Variants in PCDHA11 observed in about 807,000 individuals in gnomAD.
The protein encoded by PCDHA11 is protocadherin alpha 11, also known as protocadherin alpha-11.
PCDHA11 carries 61 observed loss-of-function variants against 70.3 expected under a neutral mutation model. The observed-to-expected ratio is 0.87, with a 90% CI of 0.71 to 1.07. The LOEUF (loss-of-function observed/expected upper bound fraction) is 1.07. Among genes scored for constraint, PCDHA11 ranks in the 50% least tolerant of loss-of-function variants. The pLI, the probability that PCDHA11 is intolerant of heterozygous loss-of-function variation, is 0.00. For missense variants in PCDHA11, 1,324 were observed against 1,237.5 expected, an observed-to-expected ratio of 1.07 and a Z score of -1.05; for synonymous variants, 633 against 555.1, an observed-to-expected ratio of 1.14 and a Z score of -1.97.
At position 140,968,158 on chromosome 5, in the gene PCDHA11, C is replaced by T. The variant is rs191279827; in HGVS notation, c.2392-10791C>T. The T allele has an allele frequency of 3.7e-6, 6 of 1,614,124 alleles. No individual in the cohort carries two copies. The African/African-American group carries it at 4.0e-5, about 11-fold the overall frequency. On this transcript the variant is annotated intron_variant, in intron 1 of 3. Transcript: ENST00000398640. ...AGGTTGAGATCTCTGACATCAATGA[C>T]AATCCACCAAGCTTCCTGGAGGACT...
intron 1 of PCDHA11, chr5:140,877,580 C>T (rs559831598): frequency 2.5e-6 from 4 of 1,613,804 alleles, no homozygotes; most frequent in African/African-American, 1.3e-5. Context: ...CTCATCATCG[C>T]CATCTGTGCG....
intron 2 of PCDHA11, among the ~76,000 whole-genome samples, chr5:140,979,943 T>A (rs2153820467): frequency 6.6e-6 from 1 of 152,364 alleles, no homozygotes; most frequent in Admixed American, 6.5e-5. Context: ...GTAGAGTTAA[T>A]GTGAAATTAG....
intron 1 of PCDHA11, among the ~76,000 whole-genome samples, chr5:140,942,855 A>G (rs1323763970): frequency 6.6e-6 from 1 of 152,110 alleles, no homozygotes; most frequent in African/African-American, 2.4e-5. Flanking sequence ...TAAGATGATT[A>G]TTTTGCTTTA....
At chr5:140,883,521 T>C in intron 1 of PCDHA11, 2 of 1,614,202 alleles carry the variant, frequency 1.2e-6, no homozygotes, top group Non-Finnish European at 1.7e-6. Flanking sequence ...CGCGAGAGCG[T>C]ATCAGCCTAT....
intron 1 of PCDHA11, among the ~76,000 whole-genome samples, chr5:140,978,620 G>A (rs2096812690): frequency 6.6e-6 from 1 of 152,220 alleles, no homozygotes; most frequent in South Asian, 2.1e-4. Context: ...AGCAGTGAAA[G>A]CTTTTCCTTT....
intron 1 of PCDHA11, chr5:140,966,564 T>A (rs1342180377): frequency 2.0e-6 from 1 of 488,548 alleles, no homozygotes; most frequent in Non-Finnish European, 3.4e-6. Context: ...GGAGCTGGAA[T>A]ATGGGGAGTC....
intron 1 of PCDHA11, chr5:140,881,407 A>G (rs2058705270): frequency 1.0e-6 from 1 of 956,680 alleles, no homozygotes; most frequent in South Asian, 4.8e-5. Flanking sequence ...TATTAAATCA[A>G]TAGGATATTA....
chr5:140,966,732 G>T (rs2153748727), intron 1 of PCDHA11: 1 of 1,415,600 alleles, frequency 7.1e-7, no homozygotes, highest in African/African-American at 1.5e-5. Context: ...GCCGCCTCCG[G>T]CCCTGCCCGG....
At chr5:140,967,792 A>G (rs371669028) in intron 1 of PCDHA11, 4 of 1,614,212 alleles carry the variant, frequency 2.5e-6, no homozygotes, top group Non-Finnish European at 3.4e-6. Context: ...ACCGGGGTCC[A>G]GTGCCCATGG....
At chr5:140,874,459 G>A (rs569536068) in intron 1 of PCDHA11, among the ~76,000 whole-genome samples, 3 of 152,196 alleles carry the variant, frequency 2.0e-5, no homozygotes, top group African/African-American at 7.2e-5. Flanking sequence ...GACCTGTAGG[G>A]GAAGATTTAG....
In PCDHA11 at chr5:140,871,413, C is replaced by A. The variant is rs2053063966; in HGVS notation, c.2310C>A (p.Ala770=). 6.2e-7 allele frequency: 1 copy of A among 1,614,002 alleles called. No homozygotes were observed. Among genetic ancestry groups the A allele is most frequent in the East Asian group, 2.2e-5 (1 of 44,880 alleles). Reference sequence around the variant, plus strand: ...GCCCACCTAAGACGGACCTCATGGCCTTCAGCCCCAGTCTTCCTCTAGGTC... The same window carrying A: ...GCCCACCTAAGACGGACCTCATGGCATTCAGCCCCAGTCTTCCTCTAGGTC... The part of the protein sequence containing the change: ...EEGPPKTDLM[A]FSPSLPLGLN... Residue 770 remains alanine (A), a synonymous_variant, in exon 1 of 4, where the codon GCC becomes GCA. Coordinates refer to ENST00000398640, the MANE Select transcript of PCDHA11 (RefSeq NM_018902.5).
In PCDHA11 at chr5:140,942,596, A is replaced by T. The variant is rs116159999; in HGVS notation, c.2392-36353A>T. On this transcript the variant is annotated intron_variant, in intron 1 of 3. Coordinates refer to ENST00000398640, the MANE Select transcript of PCDHA11 (RefSeq NM_018902.5). ...CCCATATAGGATGTCACATATAATT[A>T]TAGTGTTTATATTTGCCAATTGTAA... 7.0e-3 allele frequency among the ~76,000 whole-genome samples: 992 copies of T among 142,408 alleles called. 16 individuals carry two copies. Among genetic ancestry groups the T allele is most frequent in the African/African-American group, 0.025 (912 of 36,952 alleles). 93.4% of individuals were successfully genotyped at this position (142,408 alleles called of 152,430 possible).
At chr5:140,993,777 G>A (rs1397168086) in intron 3 of PCDHA11, among the ~76,000 whole-genome samples, 1 of 152,042 alleles carries the variant, frequency 6.6e-6, no homozygotes, top group Non-Finnish European at 1.5e-5. Flanking sequence ...GCAGTATTTT[G>A]TACAGTAACA....
chr5:140,994,281 G>T (rs2097610222), intron 3 of PCDHA11, among the ~76,000 whole-genome samples: 1 of 152,144 alleles, frequency 6.6e-6, no homozygotes. Flanking sequence ...CCTTTCTTGA[G>T]ACAGTCCCCA....
chr5:140,954,652 T>C (rs541171307), intron 1 of PCDHA11, among the ~76,000 whole-genome samples: 24 of 152,356 alleles, frequency 1.6e-4, no homozygotes, highest in African/African-American at 5.8e-4. Flanking sequence ...TTTAAGTTCC[T>C]TGTAGACTCT....
chr5:140,996,232 T>C (rs1054290986), intron 3 of PCDHA11, among the ~76,000 whole-genome samples: 13 of 152,302 alleles, frequency 8.5e-5, no homozygotes, highest in South Asian at 4.1e-4. Flanking sequence ...AAATGGTTGC[T>C]CAAGGCTGAG....
chr5:140,883,905 G>A (rs781818160), intron 1 of PCDHA11: 2 of 1,613,458 alleles, frequency 1.2e-6, no homozygotes, highest in Non-Finnish European at 1.7e-6. Flanking sequence ...CCGCCTCTGG[G>A]CAGCAACGTG....
chr5:140,982,224 A>G (rs893184323), intron 2 of PCDHA11: 8 of 587,202 alleles, frequency 1.4e-5, no homozygotes, highest in South Asian at 3.8e-5. Flanking sequence ...TGGCGTTAAT[A>G]AAAAACAGAA....
At chr5:140,949,634 G>A (rs1172841481) in intron 1 of PCDHA11, among the ~76,000 whole-genome samples, 3 of 151,562 alleles carry the variant, frequency 2.0e-5, no homozygotes, top group East Asian at 1.9e-4. Flanking sequence ...ATGGCATATT[G>A]CTTTTTGTTC....
Sources: allele counts gnomAD v4.1 joint callset (sites outside exome capture counted in the v4.1 genomes callset), GRCh38; gene constraint gnomAD v4.1.1; transcripts MANE v1.5; gene names NCBI Gene and HGNC (gene_info 2026-07-23, HGNC 2026-07-21).